The following RPS6KA2 variants were observed in gnomAD, a reference collection of about 807,000 sequenced individuals.
RPS6KA2 encodes the protein ribosomal protein S6 kinase A2, also known as ribosomal protein S6 kinase alpha-2.
Under a neutral mutation model 91.8 loss-of-function variants are expected in RPS6KA2, and 42 were observed. That is an observed-to-expected ratio of 0.46 (90% CI 0.36 to 0.59). The LOEUF is 0.59. RPS6KA2 is among the 20% of genes least tolerant of loss of function. The pLI is 0.00. For missense variants in RPS6KA2, 798 were observed against 978.5 expected, an observed-to-expected ratio of 0.82 and a Z score of 2.46; for synonymous variants, 414 against 393.6, an observed-to-expected ratio of 1.05 and a Z score of -0.61.
At chr6:166,452,187 G>T (rs4710051) in intron 12 of RPS6KA2, among the ~76,000 whole-genome samples, 3 of 151,906 alleles carry the variant, frequency 2.0e-5, no homozygotes, top group African/African-American at 7.3e-5. Flanking sequence ...TTGTAGGAGG[G>T]AGCATAACTG....
chr6:166,745,807 G>A (rs910824052), intron 2 of RPS6KA2, among the ~76,000 whole-genome samples: 16 of 152,208 alleles, frequency 1.1e-4, no homozygotes, highest in Non-Finnish European at 2.1e-4. Context: ...CAACTCCCTA[G>A]TGTGTCATGG....
chr6:166,711,432 T>G (rs968580033), intron 2 of RPS6KA2, among the ~76,000 whole-genome samples: 2 of 141,402 alleles, frequency 1.4e-5, no homozygotes, highest in Non-Finnish European at 3.0e-5. Flanking sequence ...CAAACCAAGA[T>G]GACAGAATGT....
At chr6:166,654,542 CCA>C (rs1273736086) in intron 2 of RPS6KA2, among the ~76,000 whole-genome samples, 1 of 152,186 alleles carries the variant, frequency 6.6e-6, no homozygotes, top group Non-Finnish European at 1.5e-5. Flanking sequence ...CACAATGTCC[CCA>C]GTTTCCCCCC....
At position 166,580,667 on chromosome 6, in the gene RPS6KA2, C is replaced by T. The variant is rs1424508360; in HGVS notation, c.100-41883G>A. On this transcript the variant is annotated intron_variant, in intron 1 of 20. Transcript: ENST00000265678. ...ACCTGATTTTCAGTCTACCCCACCC[C>T]CAACCCCTGACCCCCTCAGTGGGTC... Among the ~76,000 whole-genome samples, 4 of 144,248 alleles carry T rather than the reference C, an allele frequency of 2.8e-5. No homozygotes were observed. In the East Asian group the frequency reaches 1.0e-3, roughly 36 times the overall value. 94.6% of individuals were successfully genotyped at this position (144,248 alleles called of 152,430 possible).
At chr6:166,655,270 T>C (rs1167799282) in intron 2 of RPS6KA2, among the ~76,000 whole-genome samples, 1 of 152,190 alleles carries the variant, frequency 6.6e-6, no homozygotes, top group Non-Finnish European at 1.5e-5. Flanking sequence ...ACAAGGTACA[T>C]CAGTAGTTTA....
At chr6:166,816,685 A>C (rs1029983307) in intron 2 of RPS6KA2, among the ~76,000 whole-genome samples, 7 of 152,256 alleles carry the variant, frequency 4.6e-5, no homozygotes, top group African/African-American at 1.4e-4. Flanking sequence ...AGGACATTTT[A>C]AACAGTGCTT....
rs114585457 is a variant in RPS6KA2 at position 166,736,735 on chromosome 6, C to A, written c.123+121465G>T. On this transcript the variant is annotated intron_variant, in intron 2 of 21. Transcript: ENST00000503859. ...CCACCCCGCCCTGAAAGCTCTATGGCCTGTGTCAGTGTATCAGGAAGTGAG... is the reference window on the plus strand; with the variant it reads ...CCACCCCGCCCTGAAAGCTCTATGGACTGTGTCAGTGTATCAGGAAGTGAG... Among the ~76,000 whole-genome samples, 712 of 152,236 alleles carry A rather than the reference C, an allele frequency of 4.7e-3. 6 individuals are homozygous for A. The highest frequency in any genetic ancestry group is 0.016 in the African/African-American group (680 of 41,526).
intron 14 of RPS6KA2, among the ~76,000 whole-genome samples, chr6:166,436,954 C>T (rs1257316944): frequency 2.0e-5 from 3 of 152,196 alleles, no homozygotes; most frequent in Admixed American, 6.5e-5. Flanking sequence ...CAAGGCAGTT[C>T]TGACCCAGCG....
intron 1 of RPS6KA2, among the ~76,000 whole-genome samples, chr6:166,599,551 G>A (rs1785655493): frequency 6.6e-6 from 1 of 152,204 alleles, no homozygotes. Context: ...AGCGCCAGGG[G>A]AAGCACGAAG....
At chr6:166,855,280 C>T (rs956124170) in intron 2 of RPS6KA2, among the ~76,000 whole-genome samples, 6 of 152,022 alleles carry the variant, frequency 3.9e-5, no homozygotes, top group Admixed American at 6.6e-5. Context: ...TTCATGACTA[C>T]ACAATATATC....
At chr6:166,709,375 C>T (rs1789782006) in intron 2 of RPS6KA2, among the ~76,000 whole-genome samples, 2 of 150,422 alleles carry the variant, frequency 1.3e-5, no homozygotes, top group Admixed American at 1.3e-4. Context: ...CGCCTGTCAT[C>T]CCGGCACTTT....
At chr6:166,772,710 A>G (rs988212273) in intron 2 of RPS6KA2, among the ~76,000 whole-genome samples, 1 of 152,216 alleles carries the variant, frequency 6.6e-6, no homozygotes, top group Non-Finnish European at 1.5e-5. Context: ...TGCCCCACAG[A>G]TGGCGCTACT....
At chr6:166,461,724 A>G (rs1044482931) in intron 11 of RPS6KA2, among the ~76,000 whole-genome samples, 1 of 152,196 alleles carries the variant, frequency 6.6e-6, no homozygotes. Context: ...ATAAAATACA[A>G]AACTGGTTGT....
chr6:166,798,944 G>A (rs78668987), intron 2 of RPS6KA2, among the ~76,000 whole-genome samples: 6,247 of 152,282 alleles, frequency 0.041, 536 homozygotes, highest in East Asian at 0.39. Context: ...CAGCAAATGC[G>A]GCAGTTTCCT....
intron 2 of RPS6KA2, among the ~76,000 whole-genome samples, chr6:166,826,596 G>A (rs186106583): frequency 9.2e-5 from 14 of 152,300 alleles, no homozygotes; most frequent in African/African-American, 1.4e-4. Flanking sequence ...AGAAAGATGC[G>A]CTTTTCTACG....
intron 2 of RPS6KA2, among the ~76,000 whole-genome samples, chr6:166,642,607 A>G (rs1046193793): frequency 1.3e-5 from 2 of 152,282 alleles, no homozygotes; most frequent in Non-Finnish European, 2.9e-5. Flanking sequence ...TTAAGCATAC[A>G]TGCTAAAGTT....
intron 10 of RPS6KA2, among the ~76,000 whole-genome samples, chr6:166,488,619 T>C (rs899294834): frequency 6.6e-6 from 1 of 152,264 alleles, no homozygotes; most frequent in African/African-American, 2.4e-5. Flanking sequence ...TATGGTATTT[T>C]GGCAGCAACT....
At chr6:166,550,133 T>C (rs985822879) in intron 1 of RPS6KA2, among the ~76,000 whole-genome samples, 2 of 152,216 alleles carry the variant, frequency 1.3e-5, no homozygotes, top group Non-Finnish European at 2.9e-5. Flanking sequence ...TTAGAAGTGA[T>C]AGTATTAGAA....
chr6:166,503,402 G>A (rs966604260), intron 6 of RPS6KA2, among the ~76,000 whole-genome samples: 4 of 152,216 alleles, frequency 2.6e-5, no homozygotes, highest in East Asian at 1.9e-4. Flanking sequence ...CACCAGCTTC[G>A]GAGCAGGGCT....
Sources: allele counts gnomAD v4.1 joint callset (sites outside exome capture counted in the v4.1 genomes callset), GRCh38; gene constraint gnomAD v4.1.1; transcripts MANE v1.5; gene names NCBI Gene and HGNC (gene_info 2026-07-23, HGNC 2026-07-21).